LSAMP: variants seen among roughly 807,000 people sequenced by gnomAD.
LSAMP encodes the protein limbic system-associated membrane protein.
In LSAMP, 7 loss-of-function variants were observed where a neutral mutation model predicts 38.6. The observed-to-expected ratio is 0.18, with a 90% confidence interval of 0.10 to 0.34. The LOEUF (loss-of-function observed/expected upper bound fraction) is 0.34, where lower values mean the gene tolerates loss of function less well. LSAMP is among the 10% of genes least tolerant of loss of function. The probability of loss-of-function intolerance (pLI) is 1.00; values close to 1 mark genes in which losing one functional copy is unlikely to be tolerated. For missense variants in LSAMP, 313 were observed against 420.0 expected (o/e 0.75, Z 2.23); for synonymous variants, 154 against 166.8 (o/e 0.92, Z 0.59).
intron 3 of LSAMP, among the ~76,000 whole-genome samples, chr3:116,013,336 G>T (rs1940386768): frequency 6.6e-6 from 1 of 152,180 alleles, no homozygotes; most frequent in Non-Finnish European, 1.5e-5. Context: ...TAATCATGTG[G>T]TTAAATTTTG....
intron 1 of LSAMP, among the ~76,000 whole-genome samples, chr3:116,440,612 C>A (rs543300793): frequency 1.3e-5 from 2 of 152,218 alleles, no homozygotes; most frequent in Admixed American, 1.3e-4. Context: ...TAAATGACAA[C>A]AAATGATAAA....
intron 1 of LSAMP, among the ~76,000 whole-genome samples, chr3:116,256,493 G>C (rs1654042176): frequency 1.3e-5 from 2 of 152,168 alleles, no homozygotes; most frequent in Non-Finnish European, 2.9e-5. Flanking sequence ...GAGTAAAATT[G>C]AAGAATTGGT....
intron 3 of LSAMP, among the ~76,000 whole-genome samples, chr3:116,006,516 T>C (rs1940166308): frequency 6.6e-6 from 1 of 152,192 alleles, no homozygotes; most frequent in Non-Finnish European, 1.5e-5. Flanking sequence ...ATTAAGTAGG[T>C]GGGCTTTTAG....
intron 1 of LSAMP, among the ~76,000 whole-genome samples, chr3:116,300,190 T>C (rs1268556049): frequency 1.3e-5 from 2 of 152,162 alleles, no homozygotes; most frequent in Admixed American, 1.3e-4. Flanking sequence ...AAGGCACATT[T>C]TGATCACATT....
intron 1 of LSAMP, among the ~76,000 whole-genome samples, chr3:116,120,678 TA>T (rs1414449117): frequency 6.6e-6 from 1 of 152,214 alleles, no homozygotes; most frequent in Admixed American, 6.5e-5. Flanking sequence ...GAGTGGTCCA[TA>T]ACCTGCTTTG....
At chr3:116,067,077 T>C (rs907962078) in intron 2 of LSAMP, among the ~76,000 whole-genome samples, 4 of 152,160 alleles carry the variant, frequency 2.6e-5, no homozygotes, top group African/African-American at 9.6e-5. Flanking sequence ...CTCCCCAACT[T>C]AAGGAAAAAC....
At chr3:116,072,750 TG>T (rs1356958998) in intron 2 of LSAMP, among the ~76,000 whole-genome samples, 14 of 142,650 alleles carry the variant, frequency 9.8e-5, no homozygotes, top group Admixed American at 4.3e-4. Context: ...GGGTTGTTTG[TG>T]GTTTTTTTTT....
At chr3:116,412,857 A>G (rs1288742698) in intron 1 of LSAMP, among the ~76,000 whole-genome samples, 1 of 152,090 alleles carries the variant, frequency 6.6e-6, no homozygotes. Flanking sequence ...TTGGAAAGAA[A>G]GCAGACATTA....
chr3:115,954,959 GT>G (rs56322133), intron 3 of LSAMP, among the ~76,000 whole-genome samples: 106,617 of 147,302 alleles, frequency 0.72, 38,889 homozygotes, highest in South Asian at 0.82. Flanking sequence ...TTTTGTTTTT[GT>G]TTTTTTTTTT....
intron 1 of LSAMP, among the ~76,000 whole-genome samples, chr3:116,242,218 G>T (rs972927977): frequency 4.6e-5 from 7 of 152,202 alleles, no homozygotes; most frequent in African/African-American, 1.4e-4. Context: ...GAAAAATCGA[G>T]GTCTCCACAG....
At chr3:116,236,972 A>C (rs532017791) in intron 1 of LSAMP, among the ~76,000 whole-genome samples, 1,420 of 70,676 alleles carry the variant, frequency 0.02, 10 homozygotes, top group Non-Finnish European at 0.038. Context: ...ATGCATATAT[A>C]TACATATATA....
intron 3 of LSAMP, among the ~76,000 whole-genome samples, chr3:116,012,957 G>C (rs1309484881): frequency 6.6e-6 from 1 of 152,160 alleles, no homozygotes; most frequent in African/African-American, 2.4e-5. Context: ...AGTATTTGAA[G>C]GAGTGAGATG....
chr3:115,951,712 C>G (rs545060718), intron 3 of LSAMP, among the ~76,000 whole-genome samples: 10 of 152,256 alleles, frequency 6.6e-5, no homozygotes, highest in African/African-American at 2.4e-4. Flanking sequence ...CTGCATGCTT[C>G]CTGCCCTCAA....
At chr3:116,259,131 A>G (rs2046793515) in intron 1 of LSAMP, among the ~76,000 whole-genome samples, 1 of 152,136 alleles carries the variant, frequency 6.6e-6, no homozygotes, top group Non-Finnish European at 1.5e-5. Flanking sequence ...AAATTCTACA[A>G]AATTGTTCAG....
chr3:116,268,466 G>A (rs1173219990), intron 1 of LSAMP, among the ~76,000 whole-genome samples: 1 of 152,038 alleles, frequency 6.6e-6, no homozygotes, highest in Non-Finnish European at 1.5e-5. Flanking sequence ...GGGGGATGGG[G>A]GAAGACAACC....
intron 2 of LSAMP, among the ~76,000 whole-genome samples, chr3:116,025,467 T>C (rs1333847950): frequency 6.6e-6 from 1 of 152,164 alleles, no homozygotes; most frequent in Non-Finnish European, 1.5e-5. Context: ...TATCTATTGA[T>C]CGCTCTTTTG....
At chr3:116,042,542 G>C (rs28416469) in intron 2 of LSAMP, among the ~76,000 whole-genome samples, 3,369 of 151,036 alleles carry the variant, frequency 0.022, 107 homozygotes, top group African/African-American at 0.075. Context: ...CGATTCCCCT[G>C]CCTCAGCCTC....
At chr3:116,112,029 C>T (rs1708627493) in intron 1 of LSAMP, among the ~76,000 whole-genome samples, 1 of 152,214 alleles carries the variant, frequency 6.6e-6, no homozygotes, top group Non-Finnish European at 1.5e-5. Flanking sequence ...GATAATTACT[C>T]AATGGGATTA....
At chr3:115,861,148 T>G (rs57575765) in intron 3 of LSAMP, among the ~76,000 whole-genome samples, 16 of 47,486 alleles carry the variant, frequency 3.4e-4, no homozygotes, top group Non-Finnish European at 5.3e-4. Context: ...CTTCCTTCCT[T>G]CCTTCCTTCC....
Sources: gnomAD v4.1 joint callset for allele counts (sites outside exome capture counted in the v4.1 genomes callset) on GRCh38, gnomAD v4.1.1 for gene constraint, MANE v1.5 for transcripts, NCBI Gene and HGNC (gene_info 2026-07-23, HGNC 2026-07-21) for gene names.